The following SNX29 variants were observed in gnomAD, a reference collection of about 807,000 sequenced individuals.
SNX29 encodes sorting nexin-29.
SNX29 carries 78 observed loss-of-function variants against 102.1 expected under a neutral mutation model. The observed-to-expected ratio is 0.76, with a 90% CI of 0.64 to 0.92. SNX29 has a LOEUF of 0.92. Among genes scored for constraint, SNX29 ranks in the 40% least tolerant of loss-of-function variants. The probability of loss-of-function intolerance (pLI) is 0.00; values close to 1 mark genes in which losing one functional copy is unlikely to be tolerated. For missense variants in SNX29, 1,280 were observed against 1,061.7 expected, an observed-to-expected ratio of 1.21 and a Z score of -2.86; for synonymous variants, 580 against 414.5, an observed-to-expected ratio of 1.40 and a Z score of -4.85.
chr16:12,545,935 TG>T (rs2077579141), intron 20 of SNX29, among the ~76,000 whole-genome samples: 5 of 152,144 alleles, frequency 3.3e-5, no homozygotes, highest in African/African-American at 9.7e-5. Flanking sequence ...TTAATATTTA[TG>T]TATTATCCTG....
At chr16:12,216,659 C>G (rs578106405) in intron 14 of SNX29, among the ~76,000 whole-genome samples, 32 of 152,304 alleles carry the variant, frequency 2.1e-4, no homozygotes, top group Middle Eastern at 3.4e-3. Flanking sequence ...AGTTCTAGCT[C>G]TGCCCTTTGC....
chr16:12,316,200 G>C (rs1206291299), intron 15 of SNX29, among the ~76,000 whole-genome samples: 1 of 152,218 alleles, frequency 6.6e-6, no homozygotes, highest in Non-Finnish European at 1.5e-5. Context: ...GTAGCCAGTG[G>C]GGCGGGAAGA....
At chr16:12,558,357 A>T (rs1483477649) in intron 20 of SNX29, among the ~76,000 whole-genome samples, 1 of 152,188 alleles carries the variant, frequency 6.6e-6, no homozygotes, top group African/African-American at 2.4e-5. Context: ...CCTCAGCATC[A>T]CAGCCATTGG....
At chr16:12,184,086 C>T (rs1379388293) in intron 13 of SNX29, among the ~76,000 whole-genome samples, 1 of 152,194 alleles carries the variant, frequency 6.6e-6, no homozygotes. Flanking sequence ...AACTTGATTT[C>T]ACTTTATGGA....
intron 15 of SNX29, among the ~76,000 whole-genome samples, chr16:12,305,090 CTA>C (rs759216844): frequency 9.2e-5 from 14 of 152,224 alleles, no homozygotes; most frequent in Admixed American, 4.6e-4. Context: ...TAGTGTGACA[CTA>C]TAAAAATCTG....
At chr16:12,548,789 G>C (rs1454454240) in intron 20 of SNX29, among the ~76,000 whole-genome samples, 2 of 152,182 alleles carry the variant, frequency 1.3e-5, no homozygotes, top group African/African-American at 4.8e-5. Flanking sequence ...CACAGTGCTG[G>C]GTCATAGCTG....
intron 3 of SNX29, among the ~76,000 whole-genome samples, chr16:12,021,350 C>T (rs2057013638): frequency 6.6e-6 from 1 of 151,968 alleles, no homozygotes; most frequent in African/African-American, 2.4e-5. Context: ...TGCTTGAACC[C>T]AGGAGACAGA....
intron 16 of SNX29, among the ~76,000 whole-genome samples, chr16:12,388,934 G>A (rs1164202177): frequency 1.3e-5 from 2 of 152,154 alleles, no homozygotes; most frequent in Non-Finnish European, 2.9e-5. Flanking sequence ...GTCACTAGAG[G>A]ATCAACCCAG....
At chr16:12,010,938 A>G (rs2151055223) in intron 3 of SNX29, among the ~76,000 whole-genome samples, 1 of 152,096 alleles carries the variant, frequency 6.6e-6, no homozygotes, top group East Asian at 1.9e-4. Flanking sequence ...TCTCTTTTAA[A>G]TATCTCTGAA....
intron 15 of SNX29, among the ~76,000 whole-genome samples, chr16:12,336,848 A>T (rs1414642590): frequency 6.6e-6 from 1 of 152,214 alleles, no homozygotes; most frequent in African/African-American, 2.4e-5. Flanking sequence ...CAGAAGGCTA[A>T]TATGGGAGGA....
At chr16:12,540,157 G>A (rs11075092) in intron 20 of SNX29, among the ~76,000 whole-genome samples, 17,314 of 152,132 alleles carry the variant, frequency 0.11, 1,712 homozygotes, top group East Asian at 0.24. Flanking sequence ...TTACATTTTA[G>A]ATCTGCGATT....
At chr16:12,295,378 C>A (rs1017418192) in intron 15 of SNX29, among the ~76,000 whole-genome samples, 2 of 152,242 alleles carry the variant, frequency 1.3e-5, no homozygotes, top group African/African-American at 4.8e-5. Context: ...TCCTACCAAC[C>A]CAAGGACTTT....
chr16:12,391,976 C>G (rs964325860), intron 16 of SNX29, among the ~76,000 whole-genome samples: 2 of 152,242 alleles, frequency 1.3e-5, no homozygotes, highest in Non-Finnish European at 2.9e-5. Flanking sequence ...ATCATCGTCT[C>G]TCCTCTGACG....
intron 7 of SNX29, 84 bp from the exon 8 acceptor site, chr16:12,051,763 A>G (rs1477341556): frequency 2.3e-5 from 35 of 1,543,200 alleles, no homozygotes; most frequent in East Asian, 1.3e-4. Flanking sequence ...AGTATTTTCC[A>G]TAACCTGGAG....
At chr16:12,529,809 A>G (rs2076884039) in intron 20 of SNX29, among the ~76,000 whole-genome samples, 1 of 152,182 alleles carries the variant, frequency 6.6e-6, no homozygotes, top group Non-Finnish European at 1.5e-5. Context: ...TGACCTGTGC[A>G]CTGCCAGGGG....
At position 12,125,603 on chromosome 16, in the gene SNX29, C is replaced by CTTTTTTTTTTTTTT. The variant is rs1273937330; in HGVS notation, c.1403-1029_1403-1028insTTTTTTTTTTTTTT. ...CAAGGGGGGCTTGTGGCTGAGATCT[C>CTTTTTTTTTTTTTT]TCTTTTTTTTTTTTTTTTTTTTTTT... On this transcript the variant is annotated intron_variant, in intron 11 of 20. Transcript: ENST00000566228. 2.8e-5 allele frequency among the ~76,000 whole-genome samples: 2 copies of CTTTTTTTTTTTTTT among 71,496 alleles called. 1 individual carries two copies. 46.9% of individuals were successfully genotyped at this position (71,496 alleles called of 152,430 possible).
rs564434019 is a variant in SNX29 at position 12,568,521 on chromosome 16, C to G, written c.2334C>G (p.Pro778=). ...GCTCTTTCAGCGACATCACCCCGCCCGGAGAGCCTGTGAACAGCCGGCCCA... is the reference window on the plus strand; with the variant it reads ...GCTCTTTCAGCGACATCACCCCGCCGGGAGAGCCTGTGAACAGCCGGCCCA... ...LMPFFVDITP[P]GEPVNSRPKA... The change falls in exon 21 of 21, where the codon CCC becomes CCG. Residue 778 remains proline (P), a synonymous_variant. Coordinates refer to ENST00000566228, the MANE Select transcript of SNX29 (RefSeq NM_032167.5). The G allele has an allele frequency of 1.2e-6, 2 of 1,609,976 alleles. No homozygotes were observed. The highest frequency in any genetic ancestry group is 1.7e-6 in the Non-Finnish European group (2 of 1,179,838).
At chr16:12,417,278 C>G (rs901945280) in intron 18 of SNX29, among the ~76,000 whole-genome samples, 10 of 152,238 alleles carry the variant, frequency 6.6e-5, no homozygotes, top group African/African-American at 2.4e-4. Flanking sequence ...GCACACTGGG[C>G]TTCCTGTGTT....
intron 19 of SNX29, among the ~76,000 whole-genome samples, chr16:12,498,573 A>G (rs2088947208): frequency 6.6e-6 from 1 of 152,182 alleles, no homozygotes; most frequent in South Asian, 2.1e-4. Context: ...AGCCACTGAA[A>G]ATACAGTGGG....
Sources: gnomAD v4.1 joint callset for allele counts (sites outside exome capture counted in the v4.1 genomes callset) on GRCh38, gnomAD v4.1.1 for gene constraint, MANE v1.5 for transcripts, NCBI Gene and HGNC (gene_info 2026-07-23, HGNC 2026-07-21) for gene names.